The following SAMD12 variants were observed in gnomAD, a reference collection of about 807,000 sequenced individuals.
SAMD12 encodes the protein sterile alpha motif domain containing 12, also known as sterile alpha motif domain-containing protein 12.
A neutral mutation model predicts 15.0 loss-of-function variants in SAMD12; 9 were observed. The ratio of observed to expected loss-of-function variants is 0.60; its 90% CI spans 0.36 to 1.05. The LOEUF (loss-of-function observed/expected upper bound fraction) is 1.05. SAMD12 is among the 50% of genes least tolerant of loss of function. The pLI, the probability that SAMD12 is intolerant of heterozygous loss-of-function variation, is 0.01. For missense variants in SAMD12, 230 were observed against 234.2 expected (o/e 0.98, Z 0.12); for synonymous variants, 86 against 90.1 (o/e 0.96, Z 0.25).
chr8:118,168,019 A>G, the SAMD12 span, among the ~76,000 whole-genome samples: 1 of 152,176 alleles, frequency 6.6e-6, no homozygotes, highest in Non-Finnish European at 1.5e-5. Context: ...TAATTGAATC[A>G]CAGAGGCTGG....
At chr8:118,503,292 T>A (rs1451203260) in intron 2 of SAMD12, among the ~76,000 whole-genome samples, 1 of 152,224 alleles carries the variant, frequency 6.6e-6, no homozygotes, top group East Asian at 1.9e-4. Flanking sequence ...TGAGCTCTCC[T>A]ACCAGTAGTG....
the SAMD12 span, among the ~76,000 whole-genome samples, chr8:118,167,037 C>T: frequency 3.3e-5 from 5 of 152,110 alleles, no homozygotes; most frequent in Non-Finnish European, 5.9e-5. Context: ...TGCTTACCAA[C>T]CTGTAGTGAT....
downstream of SAMD12, among the ~76,000 whole-genome samples, chr8:118,373,794 G>A (rs1220136518): frequency 6.6e-6 from 1 of 152,068 alleles, no homozygotes; most frequent in Non-Finnish European, 1.5e-5. Context: ...AACCCTCATA[G>A]TTGCTGATAT....
At chr8:118,489,999 C>T (rs554784750) in intron 2 of SAMD12, among the ~76,000 whole-genome samples, 1 of 152,238 alleles carries the variant, frequency 6.6e-6, no homozygotes, top group Admixed American at 6.5e-5. Context: ...GAATGTTCCT[C>T]TTTACATACC....
chr8:118,241,182 A>T (rs1453391694), intron 4 of SAMD12, among the ~76,000 whole-genome samples: 2 of 152,286 alleles, frequency 1.3e-5, no homozygotes, highest in East Asian at 3.9e-4. Flanking sequence ...TCCTGATGCG[A>T]GAGTGATTAG....
intron 3 of SAMD12, among the ~76,000 whole-genome samples, chr8:118,426,445 G>A (rs765545003): frequency 7.9e-5 from 12 of 152,192 alleles, no homozygotes; most frequent in Admixed American, 3.3e-4. Flanking sequence ...GGCATCACAT[G>A]TACTGGACAG....
At chr8:118,576,636 G>A (rs549452293) in intron 2 of SAMD12, among the ~76,000 whole-genome samples, 3 of 152,284 alleles carry the variant, frequency 2.0e-5, no homozygotes, top group African/African-American at 7.2e-5. Context: ...GTGAGTAAAG[G>A]GTTAAGGAAT....
chr8:118,177,405 C>CA, the SAMD12 span, among the ~76,000 whole-genome samples: 2 of 147,894 alleles, frequency 1.4e-5, no homozygotes, highest in Non-Finnish European at 3.0e-5. Context: ...GTCCAGCTAA[C>CA]TTTTTTTTTT....
intron 2 of SAMD12, among the ~76,000 whole-genome samples, chr8:118,542,159 C>T (rs537752966): frequency 6.6e-6 from 1 of 152,276 alleles, no homozygotes. Flanking sequence ...ATAGGCCACC[C>T]TGGCTGCATA....
chr8:118,153,025 C>A, the SAMD12 span, among the ~76,000 whole-genome samples: 2 of 152,252 alleles, frequency 1.3e-5, no homozygotes, highest in African/African-American at 4.8e-5. Flanking sequence ...ACATTCCTAA[C>A]CCCTTGGCTG....
intron 2 of SAMD12, among the ~76,000 whole-genome samples, chr8:118,566,536 A>G (rs1826857002): frequency 6.6e-6 from 1 of 152,216 alleles, no homozygotes; most frequent in Admixed American, 6.5e-5. Context: ...TTTTGAATCT[A>G]GAACAGTTTG....
intron 2 of SAMD12, among the ~76,000 whole-genome samples, chr8:118,498,561 C>T (rs752904407): frequency 1.3e-5 from 2 of 152,114 alleles, no homozygotes; most frequent in African/African-American, 2.4e-5. Context: ...AAATCTATGA[C>T]GCTAGCTGTT....
At chr8:118,414,825 C>T (rs1008869611) in intron 3 of SAMD12, among the ~76,000 whole-genome samples, 11 of 152,324 alleles carry the variant, frequency 7.2e-5, no homozygotes, top group African/African-American at 2.6e-4. Flanking sequence ...AGTGGCGACA[C>T]TAACCAGAAG....
chr8:118,468,220 G>A (rs1216288066), intron 2 of SAMD12, among the ~76,000 whole-genome samples: 1 of 152,176 alleles, frequency 6.6e-6, no homozygotes, highest in Non-Finnish European at 1.5e-5. Flanking sequence ...AAAAACAGCT[G>A]TGGCAAGCTG....
the SAMD12 span, among the ~76,000 whole-genome samples, chr8:118,136,430 T>A: frequency 6.6e-6 from 1 of 152,228 alleles, no homozygotes; most frequent in South Asian, 2.1e-4. Context: ...AAGGGAGAAC[T>A]TAAGAAGGCT....
intron 3 of SAMD12, among the ~76,000 whole-genome samples, chr8:118,439,234 T>C (rs571721536): frequency 6.6e-6 from 1 of 152,272 alleles, no homozygotes; most frequent in African/African-American, 2.4e-5. Context: ...AAACTATTCA[T>C]CCCAAGGGCA....
At chr8:118,168,130 C>T in the SAMD12 span, among the ~76,000 whole-genome samples, 1 of 152,216 alleles carries the variant, frequency 6.6e-6, no homozygotes, top group Admixed American at 6.5e-5. Flanking sequence ...TCTCTTGCTG[C>T]TGCCATGTGG....
chr8:118,380,532 T>C (rs1054462333), intron 3 of SAMD12, among the ~76,000 whole-genome samples: 2 of 152,196 alleles, frequency 1.3e-5, no homozygotes, highest in African/African-American at 4.8e-5. Context: ...CACTCTGTGC[T>C]TGCCCTAAAA....
Position 118,366,873 on chromosome 8 carries a change from AAATAAAAT to A in SAMD12, c.433+12679_433+12686del, listed in dbSNP as rs1490606150. Among the ~76,000 whole-genome samples the A allele has an allele frequency of 3.6e-3, 452 of 126,698 alleles. 15 individuals are homozygous for A. The highest frequency in any genetic ancestry group is 5.7e-3 in the Non-Finnish European group (346 of 60,380). 83.1% of individuals were successfully genotyped at this position (126,698 alleles called of 152,430 possible). ...AAATAAAATAAAATAAAATAAAATA[AAATAAAAT>A]AATAAAATAAAATAAAATAAAATAA... On this transcript the variant is annotated intron_variant, in intron 4 of 4. Transcript: ENST00000409003.
Sources: gnomAD v4.1 joint callset for allele counts (sites outside exome capture counted in the v4.1 genomes callset) on GRCh38, gnomAD v4.1.1 for gene constraint, MANE v1.5 for transcripts, NCBI Gene and HGNC (gene_info 2026-07-23, HGNC 2026-07-21) for gene names.